Variants in DTNB observed in about 807,000 individuals in gnomAD.
DTNB encodes dystrobrevin beta.
Under a neutral mutation model 90.7 loss-of-function variants are expected in DTNB, and 63 were observed. That is an observed-to-expected ratio of 0.69 (90% CI 0.57 to 0.86). The LOEUF is 0.86. DTNB is among the 40% of genes least tolerant of loss of function. DTNB has a pLI of 0.00. For synonymous variants in DTNB, 277 were observed against 286.7 expected (o/e 0.97, Z 0.34); for missense variants, 744 against 807.1 (o/e 0.92, Z 0.95).
At chr2:25,420,262 CTTTTTTT>C (rs56815083) in intron 15 of DTNB, among the ~76,000 whole-genome samples, 3 of 63,910 alleles carry the variant, frequency 4.7e-5, no homozygotes, top group South Asian at 6.4e-4. Context: ...CAGGCACAGT[CTTTTTTT>C]TTTTTTTTTT....
At chr2:25,412,139 G>A (rs572957791) in intron 16 of DTNB, among the ~76,000 whole-genome samples, 1 of 152,264 alleles carries the variant, frequency 6.6e-6, no homozygotes, top group African/African-American at 2.4e-5. Context: ...GTATTCATGA[G>A]GTTTATGTGA....
intron 9 of DTNB, among the ~76,000 whole-genome samples, chr2:25,485,537 A>G (rs1445914012): frequency 6.6e-6 from 1 of 152,204 alleles, no homozygotes; most frequent in Non-Finnish European, 1.5e-5. Flanking sequence ...TTCTTCTCTA[A>G]TATTCAAAAC....
chr2:25,508,860 T>C (rs1245339551), intron 9 of DTNB, among the ~76,000 whole-genome samples: 1 of 152,228 alleles, frequency 6.6e-6, no homozygotes, highest in Non-Finnish European at 1.5e-5. Context: ...CAATACTTTG[T>C]AGTATTTAGT....
At chr2:25,639,676 T>C (rs879841617) in intron 2 of DTNB, among the ~76,000 whole-genome samples, 8 of 151,952 alleles carry the variant, frequency 5.3e-5, no homozygotes, top group Non-Finnish European at 1.0e-4. Flanking sequence ...TCCCTCTCCA[T>C]CAAGGTCTAG....
intron 9 of DTNB, among the ~76,000 whole-genome samples, chr2:25,518,536 G>A (rs1252858442): frequency 2.0e-5 from 3 of 151,472 alleles, no homozygotes; most frequent in African/African-American, 7.3e-5. Context: ...ATATGCACAT[G>A]TGTGAGTTTG....
intron 16 of DTNB, among the ~76,000 whole-genome samples, chr2:25,395,501 C>T (rs1441415274): frequency 6.7e-6 from 1 of 149,970 alleles, no homozygotes; most frequent in African/African-American, 2.4e-5. Flanking sequence ...ACATAATATA[C>T]ATGTATATTT....
intron 16 of DTNB, among the ~76,000 whole-genome samples, chr2:25,398,245 T>A (rs546435093): frequency 6.6e-6 from 1 of 152,344 alleles, no homozygotes; most frequent in East Asian, 1.9e-4. Context: ...CTTCCTGGGA[T>A]CATTACCTAG....
At chr2:25,468,819 C>CT (rs1407858497) in intron 10 of DTNB, among the ~76,000 whole-genome samples, 1 of 152,036 alleles carries the variant, frequency 6.6e-6, no homozygotes, top group Non-Finnish European at 1.5e-5. Flanking sequence ...AAGTGTTTAC[C>CT]TATAAGGTCA....
chr2:25,427,219 ACAC>A (rs2052050969), intron 15 of DTNB, among the ~76,000 whole-genome samples: 1 of 150,254 alleles, frequency 6.7e-6, no homozygotes, highest in Admixed American at 6.6e-5. Flanking sequence ...ACACACACAC[ACAC>A]ACTACTTTAA....
chr2:25,536,308 C>T (rs1276399412), intron 8 of DTNB, among the ~76,000 whole-genome samples: 13 of 152,260 alleles, frequency 8.5e-5, no homozygotes, highest in East Asian at 7.7e-4. Flanking sequence ...GGGTGGCGGG[C>T]GGGCAGAGGC....
intron 9 of DTNB, among the ~76,000 whole-genome samples, chr2:25,504,297 A>G (rs1004266654): frequency 1.7e-4 from 25 of 150,070 alleles, no homozygotes; most frequent in African/African-American, 6.2e-4. Context: ...GGAAGGAAAG[A>G]AAGAAGGAAA....
At chr2:25,464,785 C>T (rs1178873323) in intron 10 of DTNB, among the ~76,000 whole-genome samples, 1 of 152,196 alleles carries the variant, frequency 6.6e-6, no homozygotes, top group Non-Finnish European at 1.5e-5. Flanking sequence ...CCCCTAAACC[C>T]ATAATCACAG....
At chr2:25,456,303 C>T (rs537272494) in intron 10 of DTNB, among the ~76,000 whole-genome samples, 2 of 152,270 alleles carry the variant, frequency 1.3e-5, no homozygotes, top group South Asian at 2.1e-4. Flanking sequence ...AAAAGCAAAC[C>T]CCAGGCAATT....
chr2:25,619,521 C>A (rs2071833294), intron 4 of DTNB, among the ~76,000 whole-genome samples: 1 of 152,168 alleles, frequency 6.6e-6, no homozygotes, highest in Admixed American at 6.5e-5. Flanking sequence ...TCATTTCAAT[C>A]TTATAAACAT....
chr2:25,560,908 A>G (rs552980967), intron 8 of DTNB, among the ~76,000 whole-genome samples: 2 of 152,296 alleles, frequency 1.3e-5, no homozygotes, highest in East Asian at 1.9e-4. Context: ...GGAAGCTAAT[A>G]TATCTGTTAA....
chr2:25,462,999 G>A (rs189400317), intron 10 of DTNB, among the ~76,000 whole-genome samples: 10 of 152,206 alleles, frequency 6.6e-5, no homozygotes, highest in South Asian at 2.1e-4. Context: ...CACCGCGCCC[G>A]GCCTACTCAG....
intron 4 of DTNB, among the ~76,000 whole-genome samples, chr2:25,624,790 C>A (rs1234009676): frequency 6.6e-6 from 1 of 152,106 alleles, no homozygotes; most frequent in East Asian, 1.9e-4. Flanking sequence ...CTTTGTTGTA[C>A]CTTTGCACCA....
chr2:25,416,695 C>A (rs2048013053), intron 16 of DTNB, among the ~76,000 whole-genome samples: 1 of 151,896 alleles, frequency 6.6e-6, no homozygotes, highest in Admixed American at 6.6e-5. Context: ...TCCCTACCTG[C>A]AAGCTAACAA....
rs562227318 is a variant in DTNB, at chr2:25,660,196, T to C, written c.-1-7535A>G. Reference sequence around the variant, plus strand: ...GTGGTGCTGGAATGAAACTGCAGTATATTCATACTAATTGTGGCATATACA... The same window carrying C: ...GTGGTGCTGGAATGAAACTGCAGTACATTCATACTAATTGTGGCATATACA... On this transcript the variant is annotated intron_variant, in intron 1 of 20. Coordinates refer to ENST00000406818, the MANE Select transcript of DTNB (RefSeq NM_021907.5). Among the ~76,000 whole-genome samples, 13 of 152,314 alleles carry C rather than the reference T, an allele frequency of 8.5e-5. No homozygotes were observed. In the South Asian group the frequency reaches 2.7e-3, roughly 32 times the overall value.
Sources: gnomAD v4.1 joint callset for allele counts (sites outside exome capture counted in the v4.1 genomes callset) on GRCh38, gnomAD v4.1.1 for gene constraint, MANE v1.5 for transcripts, NCBI Gene and HGNC (gene_info 2026-07-23, HGNC 2026-07-21) for gene names.